CAPZB: variants seen among roughly 807,000 people sequenced by gnomAD.
CAPZB encodes the protein capping actin protein of muscle Z-line subunit beta, also known as F-actin-capping protein subunit beta.
A neutral mutation model predicts 38.1 loss-of-function variants in CAPZB; 2 were observed. That is an observed-to-expected ratio of 0.05 (90% confidence interval 0.02 to 0.17). CAPZB has a LOEUF of 0.17. Among genes scored for constraint, CAPZB ranks in the 10% least tolerant of loss-of-function variants. The pLI is 1.00. For synonymous variants in CAPZB, 107 were observed against 127.4 expected, an observed-to-expected ratio of 0.84 and a Z score of 1.08; for missense variants, 161 against 334.2, an observed-to-expected ratio of 0.48 and a Z score of 4.04.
chr1:19,453,738 G>A (rs772430136), intron 1 of CAPZB, among the ~76,000 whole-genome samples: 27 of 152,226 alleles, frequency 1.8e-4, no homozygotes, highest in African/African-American at 2.4e-4. Context: ...AATCTGTCCC[G>A]CCCAGAATAG....
intron 2 of CAPZB, among the ~76,000 whole-genome samples, chr1:19,405,541 CAAAAA>C (rs10577923): frequency 0.21 from 20,678 of 96,512 alleles, 1,636 homozygotes; most frequent in East Asian, 0.29. Context: ...TAGAAAGAGG[CAAAAA>C]AAAAAAAAAA....
chr1:19,476,227 G>GACAGACAGATAA (rs1237046140), intron 1 of CAPZB, among the ~76,000 whole-genome samples: 1 of 46,882 alleles, frequency 2.1e-5, no homozygotes, highest in African/African-American at 4.6e-5. Context: ...TAGATAGATA[G>GACAGACAGATAA]GCAGGCAGGC....
At chr1:19,457,705 G>C (rs2094537282) in intron 1 of CAPZB, among the ~76,000 whole-genome samples, 1 of 152,220 alleles carries the variant, frequency 6.6e-6, no homozygotes, top group South Asian at 2.1e-4. Context: ...ACGGTGTTAT[G>C]AATCGGCCTG....
chr1:19,428,955 T>A (rs2094433092), intron 1 of CAPZB, among the ~76,000 whole-genome samples: 1 of 152,186 alleles, frequency 6.6e-6, no homozygotes, highest in Admixed American at 6.5e-5. Flanking sequence ...GGACTGGTCC[T>A]CCCAGTGATT....
intron 2 of CAPZB, among the ~76,000 whole-genome samples, chr1:19,415,546 C>T (rs1361407851): frequency 6.6e-6 from 1 of 152,246 alleles, no homozygotes; most frequent in Non-Finnish European, 1.5e-5. Context: ...CCAGAGAACA[C>T]TGGCAGTGAT....
chr1:19,362,238 CTTTAT>C (rs935395991), intron 4 of CAPZB, among the ~76,000 whole-genome samples: 9 of 151,800 alleles, frequency 5.9e-5, no homozygotes, highest in South Asian at 4.2e-4. Context: ...GGCTGGAGTG[CTTTAT>C]TTTATTTTTT....
At chr1:19,485,002 G>T (rs75695431) in intron 1 of CAPZB, among the ~76,000 whole-genome samples, 19,190 of 152,102 alleles carry the variant, frequency 0.13, 1,673 homozygotes, top group Non-Finnish European at 0.19. Flanking sequence ...GGCCTAGCCT[G>T]GGCCATGGCA....
At chr1:19,344,804 G>C (rs1425008722) in intron 7 of CAPZB, among the ~76,000 whole-genome samples, 1 of 152,222 alleles carries the variant, frequency 6.6e-6, no homozygotes, top group South Asian at 2.1e-4. Flanking sequence ...GGTGACAGGA[G>C]GGCCAAGGCA....
At chr1:19,470,841 T>C (rs902478769) in intron 1 of CAPZB, among the ~76,000 whole-genome samples, 1 of 152,236 alleles carries the variant, frequency 6.6e-6, no homozygotes, top group African/African-American at 2.4e-5. Flanking sequence ...AGAAGGATTC[T>C]GGGAAGGAAA....
At chr1:19,405,806 G>A (rs931227950) in intron 2 of CAPZB, among the ~76,000 whole-genome samples, 6 of 152,262 alleles carry the variant, frequency 3.9e-5, no homozygotes, top group Admixed American at 3.3e-4. Context: ...CAGCACTCCC[G>A]CCGCCACCAT....
intron 4 of CAPZB, among the ~76,000 whole-genome samples, chr1:19,375,185 G>GA (rs1245903531): frequency 3.3e-5 from 5 of 151,816 alleles, no homozygotes; most frequent in African/African-American, 1.2e-4. Flanking sequence ...TTTTAAAAAA[G>GA]AAAAAAAAGA....
At chr1:19,387,200 A>C (rs1475434413) in intron 2 of CAPZB, among the ~76,000 whole-genome samples, 2 of 152,220 alleles carry the variant, frequency 1.3e-5, no homozygotes, top group Non-Finnish European at 2.9e-5. Flanking sequence ...GCCACACAAG[A>C]AGCAAGCAGT....
In CAPZB at chr1:19,339,493, G is replaced by A. The variant is rs373235717; in HGVS notation, c.*37C>T. 4 of 1,455,018 alleles carry A rather than the reference G, an allele frequency of 2.7e-6. No individual in the cohort carries two copies. Among genetic ancestry groups the A allele is most frequent in the Middle Eastern group, 1.7e-4 (1 of 5,768 alleles). 90.1% of individuals were successfully genotyped at this position (1,455,018 alleles called of 1,614,324 possible). On this transcript the variant is annotated 3_prime_UTR_variant, in exon 9 of 9. Transcript: ENST00000264202. ...GAGTTTTCTAAGAAAGGAATCTAAC[G>A]AGTGCACGGCGTGTCTGGTTAGCAT...
chr1:19,363,997 T>G (rs2094069314), intron 4 of CAPZB, among the ~76,000 whole-genome samples: 1 of 152,212 alleles, frequency 6.6e-6, no homozygotes, highest in African/African-American at 2.4e-5. Flanking sequence ...CATGTCCTTC[T>G]GGCTATTAGT....
chr1:19,469,904 C>G (rs531118376), intron 1 of CAPZB, among the ~76,000 whole-genome samples: 1 of 152,170 alleles, frequency 6.6e-6, no homozygotes, highest in Non-Finnish European at 1.5e-5. Context: ...CCAGGACAGA[C>G]GGACTACTGT....
chr1:19,475,032 C>G (rs2094602181), intron 1 of CAPZB, among the ~76,000 whole-genome samples: 1 of 152,060 alleles, frequency 6.6e-6, no homozygotes. Flanking sequence ...GTCCAAGCTC[C>G]CAACACAAAG....
intron 1 of CAPZB, among the ~76,000 whole-genome samples, chr1:19,460,574 CTTTT>C (rs35288971): frequency 8.8e-5 from 8 of 90,974 alleles, no homozygotes; most frequent in Non-Finnish European, 1.6e-4. Context: ...TGTGCCCAGG[CTTTT>C]TTTTTTTTTT....
intron 2 of CAPZB, among the ~76,000 whole-genome samples, chr1:19,409,312 T>C (rs1197762204): frequency 6.6e-6 from 1 of 151,952 alleles, no homozygotes; most frequent in Non-Finnish European, 1.5e-5. Flanking sequence ...TCCACTTCAT[T>C]AGAAAGTCAC....
intron 1 of CAPZB, among the ~76,000 whole-genome samples, chr1:19,442,812 C>T (rs534246756): frequency 6.6e-6 from 1 of 152,272 alleles, no homozygotes; most frequent in South Asian, 2.1e-4. Context: ...GAATCTCCAA[C>T]TCCGGTTTGT....
Sources: gnomAD v4.1 joint callset for allele counts (sites outside exome capture counted in the v4.1 genomes callset) on GRCh38, gnomAD v4.1.1 for gene constraint, MANE v1.5 for transcripts, NCBI Gene and HGNC (gene_info 2026-07-23, HGNC 2026-07-21) for gene names.